CSMD1: variants seen among roughly 807,000 people sequenced by gnomAD.
CSMD1 encodes the protein CUB and sushi domain-containing protein 1.
Under a neutral mutation model 417.5 loss-of-function variants are expected in CSMD1, and 213 were observed. The observed-to-expected ratio is 0.51, with a 90% confidence interval of 0.46 to 0.57. The LOEUF (loss-of-function observed/expected upper bound fraction) is 0.57. CSMD1 is among the 20% of genes least tolerant of loss of function. The probability of loss-of-function intolerance (pLI) is 0.00; values close to 1 mark genes in which losing one functional copy is unlikely to be tolerated. For synonymous variants in CSMD1, 2,862 were observed against 1,736.8 expected (o/e 1.65, Z -16.11); for missense variants, 6,923 against 4,529.7 (o/e 1.53, Z -15.17).
At chr8:4,744,189 G>A (rs1563272194) in intron 1 of CSMD1, among the ~76,000 whole-genome samples, 2 of 151,750 alleles carry the variant, frequency 1.3e-5, no homozygotes, top group African/African-American at 4.8e-5. Context: ...CCAAACACAG[G>A]GACTGACTGA....
chr8:3,957,621 T>A (rs1409209327), intron 5 of CSMD1, among the ~76,000 whole-genome samples: 3 of 151,944 alleles, frequency 2.0e-5, no homozygotes, highest in Non-Finnish European at 4.4e-5. Flanking sequence ...GAGTTCGGGG[T>A]TGCAGTGAAC....
intron 3 of CSMD1, among the ~76,000 whole-genome samples, chr8:4,344,171 C>CATATATTT (rs1800644760): frequency 6.6e-6 from 1 of 152,126 alleles, no homozygotes; most frequent in African/African-American, 2.4e-5. Flanking sequence ...TCTGCTTTTT[C>CATATATTT]ATATATTTTC....
At chr8:3,207,184 T>TC (rs1797347482) in intron 30 of CSMD1, among the ~76,000 whole-genome samples, 1 of 133,328 alleles carries the variant, frequency 7.5e-6, no homozygotes, top group Non-Finnish European at 1.5e-5. Context: ...TCTTGCCCTG[T>TC]CACCCAGGCT....
intron 3 of CSMD1, among the ~76,000 whole-genome samples, chr8:4,178,373 T>G (rs1453537636): frequency 6.6e-6 from 1 of 150,410 alleles, no homozygotes; most frequent in Non-Finnish European, 1.5e-5. Flanking sequence ...TTTGACAAAA[T>G]TCAACAACCC....
chr8:4,172,925 C>A (rs1027539361), intron 3 of CSMD1, among the ~76,000 whole-genome samples: 1 of 152,102 alleles, frequency 6.6e-6, no homozygotes, highest in East Asian at 1.9e-4. Context: ...AACAAGTTAA[C>A]AGCAACTTAC....
intron 7 of CSMD1, among the ~76,000 whole-genome samples, chr8:3,677,186 C>G (rs2624104): frequency 0.91 from 138,390 of 152,156 alleles, 63,038 homozygotes; most frequent in East Asian, 0.99. Context: ...AAAAGAAACA[C>G]GTATATAAGA....
chr8:4,680,435 T>TTTCAAA (rs777382816), intron 1 of CSMD1, among the ~76,000 whole-genome samples: 17 of 152,110 alleles, frequency 1.1e-4, no homozygotes, highest in Non-Finnish European at 2.1e-4. Context: ...CTACATTGAG[T>TTTCAAA]GACGTACCAT....
intron 3 of CSMD1, among the ~76,000 whole-genome samples, chr8:4,041,186 T>C (rs1797874936): frequency 6.6e-6 from 1 of 151,830 alleles, no homozygotes. Context: ...CCGGCTAATT[T>C]TTTTGTATTT....
chr8:3,865,107 T>C (rs543246320), intron 5 of CSMD1, among the ~76,000 whole-genome samples: 5 of 152,196 alleles, frequency 3.3e-5, no homozygotes, highest in Non-Finnish European at 5.9e-5. Flanking sequence ...CACACACTAT[T>C]CTGGCCTCAC....
At chr8:4,799,432 A>G (rs1798157298) in intron 1 of CSMD1, among the ~76,000 whole-genome samples, 1 of 151,314 alleles carries the variant, frequency 6.6e-6, no homozygotes. Context: ...CCCCCTCTCT[A>G]CTAAAAATAC....
chr8:4,247,755 G>T (rs991154665), intron 3 of CSMD1, among the ~76,000 whole-genome samples: 2 of 152,080 alleles, frequency 1.3e-5, no homozygotes, highest in African/African-American at 4.8e-5. Context: ...TGCTGATTTG[G>T]AAGCCTACAA....
At chr8:4,818,026 C>T (rs79185287) in intron 1 of CSMD1, among the ~76,000 whole-genome samples, 5,592 of 152,224 alleles carry the variant, frequency 0.037, 147 homozygotes, top group Non-Finnish European at 0.058. Context: ...CAGTCAGCGT[C>T]ACAGTGACCA....
chr8:4,086,717 G>A (rs936255125), intron 3 of CSMD1, among the ~76,000 whole-genome samples: 1 of 152,216 alleles, frequency 6.6e-6, no homozygotes, highest in Non-Finnish European at 1.5e-5. Context: ...CAGGTAGATA[G>A]ATGACATTGA....
chr8:4,929,552 T>A (rs1807097084), intron 1 of CSMD1, among the ~76,000 whole-genome samples: 1 of 152,166 alleles, frequency 6.6e-6, no homozygotes, highest in Non-Finnish European at 1.5e-5. Context: ...CTCACCTCAG[T>A]GTAGAAAGGA....
At chr8:3,465,023 T>C (rs1364161797) in intron 12 of CSMD1, among the ~76,000 whole-genome samples, 2 of 152,222 alleles carry the variant, frequency 1.3e-5, no homozygotes, top group Non-Finnish European at 2.9e-5. Context: ...CTCATAAGTA[T>C]GAACAGGCTT....
chr8:4,349,621 T>A (rs1162967021), intron 3 of CSMD1, among the ~76,000 whole-genome samples: 2 of 152,154 alleles, frequency 1.3e-5, no homozygotes, highest in Non-Finnish European at 2.9e-5. Flanking sequence ...TACGTCTCCC[T>A]GAAATTTCAC....
chr8:4,916,613 G>A (rs1283501343), intron 1 of CSMD1, among the ~76,000 whole-genome samples: 2 of 152,152 alleles, frequency 1.3e-5, no homozygotes, highest in Non-Finnish European at 2.9e-5. Flanking sequence ...CATCCTACTT[G>A]GGGAAACTCT....
At chr8:4,847,930 G>C (rs1193583726) in intron 1 of CSMD1, among the ~76,000 whole-genome samples, 1 of 152,012 alleles carries the variant, frequency 6.6e-6, no homozygotes, top group African/African-American at 2.4e-5. Flanking sequence ...ATGAAACCCT[G>C]TACCCTTTAG....
intron 2 of CSMD1, among the ~76,000 whole-genome samples, chr8:4,475,844 C>G (rs1248263012): frequency 6.6e-6 from 1 of 152,094 alleles, no homozygotes; most frequent in Admixed American, 6.5e-5. Context: ...AACTCCTGAC[C>G]TCAGGTGATC....
Sources: gnomAD v4.1 joint callset for allele counts (sites outside exome capture counted in the v4.1 genomes callset) on GRCh38, gnomAD v4.1.1 for gene constraint, MANE v1.5 for transcripts, NCBI Gene and HGNC (gene_info 2026-07-23, HGNC 2026-07-21) for gene names.